Variants in NFIB observed in about 807,000 individuals in gnomAD.
NFIB encodes nuclear factor I B.
A neutral mutation model predicts 61.5 loss-of-function variants in NFIB; 11 were observed. The ratio of observed to expected loss-of-function variants is 0.18; its 90% CI spans 0.11 to 0.30. NFIB has a LOEUF of 0.30. Among genes scored for constraint, NFIB ranks in the 10% least tolerant of loss-of-function variants. The pLI is 1.00. For missense variants in NFIB, 471 were observed against 608.9 expected (o/e 0.77, Z 2.38); for synonymous variants, 260 against 216.5 (o/e 1.20, Z -1.76).
intron 3 of NFIB, among the ~76,000 whole-genome samples, chr9:14,167,928 C>T (rs1372806887): frequency 6.6e-6 from 1 of 152,168 alleles, no homozygotes; most frequent in East Asian, 1.9e-4. Flanking sequence ...ACTCTATCCA[C>T]CTGAGATTAG....
At chr9:14,277,370 T>A (rs1417862433) in intron 2 of NFIB, among the ~76,000 whole-genome samples, 1 of 124,558 alleles carries the variant, frequency 8.0e-6, no homozygotes, top group African/African-American at 2.9e-5. Context: ...CACACACACA[T>A]TTTTGAATCA....
intron 2 of NFIB, among the ~76,000 whole-genome samples, chr9:14,186,755 T>A (rs1043732859): frequency 6.7e-6 from 1 of 149,610 alleles, no homozygotes; most frequent in African/African-American, 2.6e-5. Flanking sequence ...TCCTATTACA[T>A]AATTTGGCTT....
At chr9:14,332,611 G>T (rs559758920) in intron 1 of NFIB, among the ~76,000 whole-genome samples, 1 of 152,282 alleles carries the variant, frequency 6.6e-6, no homozygotes, top group African/African-American at 2.4e-5. Flanking sequence ...AGGTGCTTTG[G>T]TGACAGGCAT....
At chr9:14,200,754 C>T (rs2048947990) in intron 2 of NFIB, among the ~76,000 whole-genome samples, 1 of 152,134 alleles carries the variant, frequency 6.6e-6, no homozygotes, top group South Asian at 2.1e-4. Context: ...CCAACTTGGC[C>T]ATCTTCTTGT....
chr9:14,268,099 C>A (rs968031277), intron 2 of NFIB, among the ~76,000 whole-genome samples: 3 of 146,050 alleles, frequency 2.1e-5, no homozygotes, highest in African/African-American at 7.6e-5. Flanking sequence ...CACGCCTGGC[C>A]GACATAGCAA....
At chr9:14,100,333 GATTC>G (rs2035552869) in intron 10 of NFIB, among the ~76,000 whole-genome samples, 1 of 152,168 alleles carries the variant, frequency 6.6e-6, no homozygotes, top group South Asian at 2.1e-4. Context: ...TTAATCATCA[GATTC>G]ATTTCCTCCA....
intron 1 of NFIB, among the ~76,000 whole-genome samples, chr9:14,381,676 TAGGAC>T (rs1449362541): frequency 2.0e-5 from 3 of 152,198 alleles, no homozygotes; most frequent in African/African-American, 4.8e-5. Flanking sequence ...ACCTACGGCC[TAGGAC>T]AGGCCAATAA....
intron 1 of NFIB, among the ~76,000 whole-genome samples, chr9:14,320,183 G>A (rs184368196): frequency 7.2e-5 from 11 of 152,172 alleles, no homozygotes; most frequent in East Asian, 3.9e-4. Flanking sequence ...CAATGAAACC[G>A]TCACCATTTC....
At chr9:14,411,220 T>G in the NFIB span, among the ~76,000 whole-genome samples, 76 of 152,234 alleles carry the variant, frequency 5.0e-4, 1 homozygote, top group Non-Finnish European at 9.0e-4. Context: ...GAAGTTTCAG[T>G]GGACACACAT....
the NFIB span, among the ~76,000 whole-genome samples, chr9:14,520,075 T>G: frequency 6.6e-6 from 1 of 151,820 alleles, no homozygotes; most frequent in Admixed American, 6.5e-5. Flanking sequence ...CTTTCCTTCA[T>G]TCACATGAGG....
chr9:14,387,659 A>C lies in NFIB; in HGVS notation c.108+10865T>G, dbSNP rs146631963. ...GCAAATTAAGACAAGATATCATTTC[A>C]CATCTATCAGACCAGCAAAAAATTT... is the stretch of plus-strand genomic sequence containing the variant. On this transcript the variant is annotated intron_variant, in intron 1 of 8. Transcript: ENST00000380934. 2.3e-3 allele frequency among the ~76,000 whole-genome samples: 352 copies of C among 152,372 alleles called. 2 individuals carry two copies. Among genetic ancestry groups the C allele is most frequent in the African/African-American group, 8.2e-3 (342 of 41,596 alleles).
chr9:14,322,626 G>A (rs956512699), intron 1 of NFIB, among the ~76,000 whole-genome samples: 9 of 152,064 alleles, frequency 5.9e-5, no homozygotes, highest in Admixed American at 4.6e-4. Context: ...GGGAAGCGCG[G>A]CTCTTCGCTT....
At chr9:14,247,388 G>A (rs779634595) in intron 2 of NFIB, among the ~76,000 whole-genome samples, 5 of 152,200 alleles carry the variant, frequency 3.3e-5, no homozygotes, top group African/African-American at 4.8e-5. Context: ...ATAATGCAGG[G>A]AGAGGCAGTG....
chr9:14,208,871 G>A (rs112272926), intron 2 of NFIB, among the ~76,000 whole-genome samples: 195 of 151,950 alleles, frequency 1.3e-3, no homozygotes, highest in African/African-American at 3.9e-3. Context: ...TTTTTTTTAA[G>A]TTTAGTTTCC....
chr9:14,357,768 C>T (rs2132936055), intron 1 of NFIB: 1 of 152,288 alleles, frequency 6.6e-6, no homozygotes, highest in South Asian at 2.1e-4. Context: ...AATGGATAAA[C>T]TTAACGTGGG....
At chr9:14,491,288 GA>G in the NFIB span, among the ~76,000 whole-genome samples, 1 of 151,806 alleles carries the variant, frequency 6.6e-6, no homozygotes, top group Admixed American at 6.6e-5. Context: ...ATAGGCTTTT[GA>G]CATATCTAAA....
At chr9:14,123,091 T>TA (rs1191299024) in intron 7 of NFIB, among the ~76,000 whole-genome samples, 3 of 150,692 alleles carry the variant, frequency 2.0e-5, no homozygotes, top group Admixed American at 6.6e-5. Context: ...CCATCTCTAC[T>TA]AAAAAAAATA....
intron 2 of NFIB, 61 bp from the exon 3 acceptor site, chr9:14,179,841 C>T: frequency 1.3e-6 from 2 of 1,545,148 alleles, no homozygotes; most frequent in South Asian, 2.4e-5. Context: ...TTTCACAATC[C>T]TCAAAGGACT....
chr9:14,443,111 C>T, the NFIB span, among the ~76,000 whole-genome samples: 22 of 147,756 alleles, frequency 1.5e-4, no homozygotes, highest in African/African-American at 5.3e-4. Flanking sequence ...AGTGGGAGGC[C>T]GACTCACAGA....
Sources: gnomAD v4.1 joint callset for allele counts (sites outside exome capture counted in the v4.1 genomes callset) on GRCh38, gnomAD v4.1.1 for gene constraint, MANE v1.5 for transcripts, NCBI Gene and HGNC (gene_info 2026-07-23, HGNC 2026-07-21) for gene names.